Variants in CIP2A observed in about 807,000 individuals in gnomAD.
CIP2A encodes the protein protein CIP2A.
Under a neutral mutation model 110.9 loss-of-function variants are expected in CIP2A, and 103 were observed. The ratio of observed to expected loss-of-function variants is 0.93; its 90% CI spans 0.79 to 1.09. The LOEUF (loss-of-function observed/expected upper bound fraction) is 1.09, where lower values mean the gene tolerates loss of function less well. Ranked by LOEUF, CIP2A falls within the 50% of genes least tolerant of loss-of-function variation. The probability of loss-of-function intolerance (pLI) is 0.00; values close to 1 mark genes in which losing one functional copy is unlikely to be tolerated. For synonymous variants in CIP2A, 381 were observed against 361.6 expected, an observed-to-expected ratio of 1.05 and a Z score of -0.61; for missense variants, 1,088 against 1,038.4, an observed-to-expected ratio of 1.05 and a Z score of -0.66.
Position 108,583,049 on chromosome 3 carries a change from A to G in CIP2A, c.285T>C (p.Asn95=). The G allele has an allele frequency of 6.2e-7, 1 of 1,601,828 alleles. No homozygotes were observed. Among genetic ancestry groups the G allele is most frequent in the Non-Finnish European group, 8.5e-7 (1 of 1,174,108 alleles). The change falls in exon 3 of 21, where the codon AAT becomes AAC. Residue 95 remains asparagine, a synonymous_variant. Coordinates refer to ENST00000295746, the MANE Select transcript of CIP2A (RefSeq NM_020890.3). The part of the protein sequence containing the change: ...VDIETRDCLQ[N]TYNLNSVLAG... Reference sequence around the variant, plus strand: ...CCAGCACACTATTCAGATTATATGTATTCTGAAGACAATCTCTGGTTTCAA... The same window carrying G: ...CCAGCACACTATTCAGATTATATGTGTTCTGAAGACAATCTCTGGTTTCAA...
chr3:108,571,311 C>T (rs1938396653), intron 8 of CIP2A, among the ~76,000 whole-genome samples: 1 of 152,124 alleles, frequency 6.6e-6, no homozygotes, highest in Non-Finnish European at 1.5e-5. Flanking sequence ...TAGTTTTATA[C>T]AGCTGGCAGC....
At position 108,577,434 on chromosome 3, in the gene CIP2A, A is replaced by G. The variant is rs151005376; in HGVS notation, c.819-1088T>C. Among the ~76,000 whole-genome samples, 476 of 152,288 alleles carry G rather than the reference A, an allele frequency of 3.1e-3. 6 individuals are homozygous for G. The highest frequency in any genetic ancestry group is 0.01 in the African/African-American group (424 of 41,520). On this transcript the variant is annotated intron_variant, in intron 7 of 20. Transcript: ENST00000295746. Reference sequence around the variant, plus strand: ...CATAGAGTAATGGTACATATTTATGAGTGAAACTGGATGAAACTAAGTAAG... The same window carrying G: ...CATAGAGTAATGGTACATATTTATGGGTGAAACTGGATGAAACTAAGTAAG...
chr3:108,584,513 T>C (rs1023928159), intron 2 of CIP2A, among the ~76,000 whole-genome samples: 1 of 152,222 alleles, frequency 6.6e-6, no homozygotes, highest in Non-Finnish European at 1.5e-5. Flanking sequence ...CATGTGGCTA[T>C]TTCAATTTAG....
At chr3:108,583,725 T>C (rs1019719373) in intron 2 of CIP2A, among the ~76,000 whole-genome samples, 1 of 152,182 alleles carries the variant, frequency 6.6e-6, no homozygotes, top group African/African-American at 2.4e-5. Flanking sequence ...AAGGTGACTA[T>C]AGTTAACAAT....
At position 108,575,893 on chromosome 3, in the gene CIP2A, A is replaced by AGTATATATACATATATACATATAC. The variant is rs1938624118; in HGVS notation, c.894+354_894+377dup. Among the ~76,000 whole-genome samples the AGTATATATACATATATACATATAC allele has an allele frequency of 3.9e-4, 28 of 70,954 alleles. 6 individuals carry two copies. Among genetic ancestry groups the AGTATATATACATATATACATATAC allele is most frequent in the African/African-American group, 9.4e-4 (23 of 24,536 alleles). The allele number at this position is 70,954 out of a possible 152,430, so 46.5% of individuals were successfully genotyped here. On this transcript the variant is annotated intron_variant, in intron 8 of 20. Coordinates refer to ENST00000295746, the MANE Select transcript of CIP2A (RefSeq NM_020890.3). ...ATATATACTCATATACATGTGTATG[A>AGTATATATACATATATACATATAC]GTATATATACATATATACATATACG...
At chr3:108,552,516 A>G (rs1319065688) in intron 19 of CIP2A, 143 bp from the exon 20 acceptor site, 1 of 457,108 alleles carries the variant, frequency 2.2e-6, no homozygotes, top group Non-Finnish European at 3.8e-6. Flanking sequence ...TTCTATAGAA[A>G]ATACCAAATC....
chr3:108,569,700 TAAAGA>T, intron 8 of CIP2A, 93 bp from the exon 9 acceptor site: 7 of 924,290 alleles, frequency 7.6e-6, no homozygotes, highest in Non-Finnish European at 1.2e-5. Flanking sequence ...CTACATATTT[TAAAGA>T]AAATATTCTA....
intron 5 of CIP2A, among the ~76,000 whole-genome samples, 176 bp from the exon 6 acceptor site, chr3:108,579,864 A>C (rs895329020): frequency 6.6e-6 from 1 of 152,220 alleles, no homozygotes; most frequent in African/African-American, 2.4e-5. Context: ...TCAGAGATAA[A>C]TTTAAATTCA....
intron 8 of CIP2A, among the ~76,000 whole-genome samples, chr3:108,570,635 T>C (rs1344065978): frequency 1.3e-5 from 2 of 151,960 alleles, no homozygotes; most frequent in African/African-American, 2.4e-5. Context: ...GTATAAAAGA[T>C]CAAAAACGGT....
rs750337476 is a variant in CIP2A at position 108,552,348 on chromosome 3, T to C, written c.2433A>G (p.Gln811=). The change falls in exon 20 of 21, where the codon CAA becomes CAG. Residue 811 remains glutamine, a synonymous_variant. Transcript: ENST00000295746. ...LANLHQKTKV[Q]EEKIKTLQKE... The stretch of plus-strand genomic sequence containing the variant: ...TTTGTAAGGTTTTAATCTTTTCTTC[T>C]TGTACTTTTGTTTTTTGATGCAAAT... 2 of 1,539,272 alleles carry C rather than the reference T, an allele frequency of 1.3e-6. No homozygotes were observed. The highest frequency in any genetic ancestry group is 4.3e-5 in the Admixed American group (2 of 46,030).
chr3:108,579,593 C>G lies in CIP2A; in HGVS notation c.645G>C (p.Leu215Phe). The G allele has an allele frequency of 1.3e-6, 2 of 1,596,494 alleles. No homozygotes were observed. Among genetic ancestry groups the G allele is most frequent in the Non-Finnish European group, 8.6e-7 (1 of 1,168,952 alleles). ...VVFALSILSSLTLNEEVGEKL... is the reference protein window; with the variant it reads ...VVFALSILSSFTLNEEVGEKL... Reference sequence around the variant, plus strand: ...TTTCCCCCACCTCTTCATTTAATGTCAAACTGGATAATATTGAAAGTGCAA... The same window carrying G: ...TTTCCCCCACCTCTTCATTTAATGTGAAACTGGATAATATTGAAAGTGCAA... Residue 215 changes from leucine (L) to phenylalanine (F), a missense_variant, in exon 6 of 21, where the codon TTG becomes TTC. Transcript: ENST00000295746.
Position 108,557,208 on chromosome 3 carries a change from CTTTA to C in CIP2A, c.2210+6_2210+9del. ...TTCTAACCTTACACAGAAGATTTTA[CTTTA>C]TTTACCTCTGAAGAAGTTCCATGTA... On this transcript the variant is annotated splice_donor_region_variant and intron_variant, in intron 17 of 20. Coordinates refer to ENST00000295746, the MANE Select transcript of CIP2A (RefSeq NM_020890.3). 2.6e-6 allele frequency: 4 copies of C among 1,533,780 alleles called. No homozygotes were observed. Among genetic ancestry groups the C allele is most frequent in the Non-Finnish European group, 3.6e-6 (4 of 1,126,192 alleles).
In CIP2A at chr3:108,563,679, G is replaced by A. The variant is rs182351667; in HGVS notation, c.1516-435C>T. ...ATTAGAACATTTAAATTTAAAGATCGAAAAAATACAGTTACTTCAATCATT... is the reference window on the plus strand; with the variant it reads ...ATTAGAACATTTAAATTTAAAGATCAAAAAAATACAGTTACTTCAATCATT... On this transcript the variant is annotated intron_variant, in intron 12 of 20. Coordinates refer to ENST00000295746, the MANE Select transcript of CIP2A (RefSeq NM_020890.3). Among the ~76,000 whole-genome samples, 293 of 151,928 alleles carry A rather than the reference G, an allele frequency of 1.9e-3. 3 individuals carry two copies. Among genetic ancestry groups the A allele is most frequent in the Middle Eastern group, 0.01 (3 of 294 alleles).
chr3:108,576,835 A>G (rs1048120366), intron 7 of CIP2A, among the ~76,000 whole-genome samples: 3 of 152,200 alleles, frequency 2.0e-5, no homozygotes, highest in Admixed American at 6.5e-5. Context: ...TGGGACCCCT[A>G]GCATTATATT....
intron 1 of CIP2A, among the ~76,000 whole-genome samples, chr3:108,588,892 G>T (rs576942197): frequency 1.3e-5 from 2 of 152,292 alleles, no homozygotes; most frequent in South Asian, 4.2e-4. Flanking sequence ...ATTACCGAAG[G>T]GCAAAACCAA....
intron 17 of CIP2A, among the ~76,000 whole-genome samples, chr3:108,555,617 T>C (rs1372789977): frequency 6.6e-6 from 1 of 152,118 alleles, no homozygotes; most frequent in East Asian, 1.9e-4. Context: ...TTGTTCTAAG[T>C]TTCTTTCTCA....
intron 3 of CIP2A, among the ~76,000 whole-genome samples, chr3:108,582,472 T>C (rs2107368001): frequency 6.6e-6 from 1 of 152,320 alleles, no homozygotes; most frequent in East Asian, 1.9e-4. Context: ...AGTCCATCAA[T>C]TAGAAGATAC....
At chr3:108,554,349 T>A in intron 18 of CIP2A, 27 bp downstream of exon 18, 1 of 927,468 alleles carries the variant, frequency 1.1e-6, no homozygotes, top group Non-Finnish European at 1.7e-6. Context: ...ATCCCACATA[T>A]TCAGAATATA....
chr3:108,553,606 T>C, intron 19 of CIP2A, 42 bp downstream of exon 19: 4 of 1,502,820 alleles, frequency 2.7e-6, no homozygotes, highest in Non-Finnish European at 3.6e-6. Flanking sequence ...CCAAAATAAA[T>C]ACATTAAAAA....
Sources: allele counts gnomAD v4.1 joint callset (sites outside exome capture counted in the v4.1 genomes callset), GRCh38; gene constraint gnomAD v4.1.1; transcripts MANE v1.5; gene names NCBI Gene and HGNC (gene_info 2026-07-23, HGNC 2026-07-21).